The following NRG1 variants were observed in gnomAD, a reference collection of about 807,000 sequenced individuals.
NRG1 encodes the protein pro-neuregulin-1, membrane-bound isoform.
In NRG1, 18 loss-of-function variants were observed where a neutral mutation model predicts 63.8. That is an observed-to-expected ratio of 0.28 (90% CI 0.19 to 0.42). NRG1 has a LOEUF of 0.42. NRG1 is among the 10% of genes least tolerant of loss of function. The pLI, the probability that NRG1 is intolerant of heterozygous loss-of-function variation, is 1.00. For synonymous variants in NRG1, 302 were observed against 301.3 expected (o/e 1.00, Z -0.02); for missense variants, 762 against 814.7 (o/e 0.94, Z 0.79).
At chr8:32,567,657 T>C (rs1837717050) in intron 1 of NRG1, among the ~76,000 whole-genome samples, 1 of 152,238 alleles carries the variant, frequency 6.6e-6, no homozygotes, top group Non-Finnish European at 1.5e-5. Flanking sequence ...CTTTTTTATA[T>C]AAACTGTTGT....
intron 1 of NRG1, among the ~76,000 whole-genome samples, chr8:31,841,947 A>C (rs1023219977): frequency 6.6e-6 from 1 of 152,160 alleles, no homozygotes; most frequent in Non-Finnish European, 1.5e-5. Flanking sequence ...CTTCTCTGGG[A>C]GCCCCAATAT....
chr8:32,094,510 A>G (rs954341484), intron 1 of NRG1, among the ~76,000 whole-genome samples: 2 of 152,056 alleles, frequency 1.3e-5, no homozygotes, highest in Non-Finnish European at 2.9e-5. Flanking sequence ...GCTGTCGTAT[A>G]TTTTCCTGGT....
intron 1 of NRG1, among the ~76,000 whole-genome samples, chr8:32,562,877 T>C (rs1438988562): frequency 6.6e-6 from 1 of 152,208 alleles, no homozygotes; most frequent in Non-Finnish European, 1.5e-5. Flanking sequence ...TTTATTTCCT[T>C]GTCTAATAAT....
intron 1 of NRG1, among the ~76,000 whole-genome samples, chr8:32,006,648 T>G (rs327341): frequency 0.77 from 116,649 of 151,926 alleles, 45,714 homozygotes; most frequent in African/African-American, 0.89. Flanking sequence ...AGGAAGGTGG[T>G]TAGCCATGGG....
chr8:32,010,357 A>G (rs1345647402), intron 1 of NRG1, among the ~76,000 whole-genome samples: 2 of 152,040 alleles, frequency 1.3e-5, no homozygotes, highest in African/African-American at 4.8e-5. Flanking sequence ...ATCCTGGTAG[A>G]TTAGATTTAC....
At chr8:32,217,545 A>G (rs1845373518) in intron 1 of NRG1, among the ~76,000 whole-genome samples, 1 of 152,196 alleles carries the variant, frequency 6.6e-6, no homozygotes, top group Non-Finnish European at 1.5e-5. Context: ...GGATATTGCA[A>G]TTGCCATCCT....
chr8:31,821,309 T>A (rs1823982973), intron 1 of NRG1, among the ~76,000 whole-genome samples: 1 of 152,166 alleles, frequency 6.6e-6, no homozygotes, highest in Non-Finnish European at 1.5e-5. Flanking sequence ...GGTTCTCAAG[T>A]CACTAATGTT....
chr8:32,375,569 C>T (rs115930082), intron 1 of NRG1, among the ~76,000 whole-genome samples: 10,423 of 152,042 alleles, frequency 0.069, 395 homozygotes, highest in Middle Eastern at 0.1. Flanking sequence ...TGTGATTGGC[C>T]AAGGTGGTGA....
chr8:31,709,585 A>T (rs1035210847), intron 1 of NRG1, among the ~76,000 whole-genome samples: 4 of 152,100 alleles, frequency 2.6e-5, no homozygotes, highest in Admixed American at 6.5e-5. Flanking sequence ...CCAAGGCCAG[A>T]GGTTTCAGAG....
intron 5 of NRG1, among the ~76,000 whole-genome samples, chr8:32,639,036 A>AG (rs918146809): frequency 1.2e-4 from 19 of 152,150 alleles, no homozygotes; most frequent in African/African-American, 3.9e-4. Flanking sequence ...AGCAACAAGG[A>AG]GAAAAAAAAT....
chr8:32,738,905 G>A (rs1258026992), intron 6 of NRG1, among the ~76,000 whole-genome samples: 2 of 152,150 alleles, frequency 1.3e-5, no homozygotes, highest in Middle Eastern at 3.2e-3. Context: ...TTACCTCAAC[G>A]ATTGTCTTAA....
chr8:31,641,763 T>A (rs570389333), intron 1 of NRG1: 10 of 152,298 alleles, frequency 6.6e-5, no homozygotes, highest in Non-Finnish European at 1.2e-4. Context: ...CTTTTCCCCC[T>A]GGTCTTTATG....
At chr8:32,221,589 A>G (rs929221167) in intron 1 of NRG1, among the ~76,000 whole-genome samples, 4 of 152,234 alleles carry the variant, frequency 2.6e-5, no homozygotes, top group Non-Finnish European at 1.5e-5. Context: ...TATTATCTCT[A>G]GGCAGTAAAT....
At chr8:32,191,750 C>T (rs914658136) in intron 1 of NRG1, among the ~76,000 whole-genome samples, 1 of 152,164 alleles carries the variant, frequency 6.6e-6, no homozygotes, top group Non-Finnish European at 1.5e-5. Context: ...CTTTCTGTTG[C>T]ACACTGCTGC....
In NRG1 at chr8:32,698,292, G is replaced by A. The variant is rs148996727; in HGVS notation, c.503-29657G>A. Among the ~76,000 whole-genome samples the A allele has an allele frequency of 1.3e-3, 204 of 152,130 alleles. 1 individual carries two copies. Among genetic ancestry groups the A allele is most frequent in the African/African-American group, 4.7e-3 (194 of 41,522 alleles). ...ATAAGGAGAGAATTGCCTCTTTTCT[G>A]TCGCATTCAAGGAACAGCTGGAAAA... On this transcript the variant is annotated intron_variant, in intron 5 of 11. Coordinates refer to ENST00000356819, the Ensembl canonical transcript of NRG1.
At chr8:32,702,282 A>G (rs1815115191) in intron 5 of NRG1, among the ~76,000 whole-genome samples, 1 of 152,210 alleles carries the variant, frequency 6.6e-6, no homozygotes, top group Admixed American at 6.5e-5. Flanking sequence ...AAGCTGGTGG[A>G]AAAATGTGTT....
chr8:32,031,899 G>A lies in NRG1; in HGVS notation c.37+392468G>A, dbSNP rs185717514. Among the ~76,000 whole-genome samples the A allele has an allele frequency of 2.8e-3, 421 of 152,152 alleles. 3 individuals carry two copies. Among genetic ancestry groups the A allele is most frequent in the African/African-American group, 9.6e-3 (400 of 41,496 alleles). ...GGGTGGATTCCATGTCTTTGCTATC[G>A]TGACTAGTGCTGCAGTGAACATACA... On this transcript the variant is annotated intron_variant, in intron 1 of 10. Transcript: ENST00000519301.
At chr8:31,712,652 T>G (rs1171725368) in intron 1 of NRG1, among the ~76,000 whole-genome samples, 1 of 152,222 alleles carries the variant, frequency 6.6e-6, no homozygotes, top group Non-Finnish European at 1.5e-5. Context: ...CATTCTGTCA[T>G]TGAAGAAATT....
chr8:32,547,590 A>AACACACACACACACACACACACACAAAC (rs1833208650), upstream of NRG1, among the ~76,000 whole-genome samples: 15 of 148,486 alleles, frequency 1.0e-4, no homozygotes, highest in African/African-American at 3.7e-4. Context: ...GCACTTACTA[A>AACACACACACACACACACACACACAAAC]ACACACACAC....
Sources: allele counts gnomAD v4.1 joint callset (sites outside exome capture counted in the v4.1 genomes callset), GRCh38; gene constraint gnomAD v4.1.1; transcripts MANE v1.5; gene names NCBI Gene and HGNC (gene_info 2026-07-23, HGNC 2026-07-21).